Variants in EPHA10 observed in about 807,000 individuals in gnomAD.
EPHA10 encodes ephrin type-A receptor 10.
Under a neutral mutation model 109.7 loss-of-function variants are expected in EPHA10, and 120 were observed. That is an observed-to-expected ratio of 1.09 (90% CI 0.94 to 1.27). EPHA10 has a LOEUF of 1.27. Ranked by LOEUF, EPHA10 falls within the 50% of genes most tolerant of loss-of-function variation. The probability of loss-of-function intolerance (pLI) is 0.00; values close to 1 mark genes in which losing one functional copy is unlikely to be tolerated. For synonymous variants in EPHA10, 640 were observed against 618.9 expected, an observed-to-expected ratio of 1.03 and a Z score of -0.51; for missense variants, 1,396 against 1,411.1, an observed-to-expected ratio of 0.99 and a Z score of 0.17.
Position 37,761,882 on chromosome 1 carries a change from TCTC to T in EPHA10, c.370_372del (p.Glu124del), listed in dbSNP as rs575794155. On this transcript the variant is annotated inframe_deletion, in exon 3 of 17. Transcript: ENST00000373048. ...GTTTCCAGGTAGTAGACGTTGAAGG[TCTC>T]CTTGCAGGTACCCGCGGCGCCAGGG... The T allele has an allele frequency of 2.9e-5, 47 of 1,611,662 alleles. No homozygotes were observed. Among genetic ancestry groups the T allele is most frequent in the Non-Finnish European group, 3.9e-5 (46 of 1,178,246 alleles).
intron 5 of EPHA10, among the ~76,000 whole-genome samples, chr1:37,740,159 G>A (rs1385031513): frequency 1.3e-5 from 2 of 152,052 alleles, no homozygotes; most frequent in Admixed American, 6.5e-5. Context: ...TACTATACAT[G>A]TGAAATGGGT....
chr1:37,732,096 A>G (rs1270380014), intron 6 of EPHA10, among the ~76,000 whole-genome samples: 1 of 152,200 alleles, frequency 6.6e-6, no homozygotes, highest in Non-Finnish European at 1.5e-5. Flanking sequence ...TGTTTCACAG[A>G]TAAGGAAACC....
chr1:37,731,031 C>T (rs1172770743), intron 7 of EPHA10, among the ~76,000 whole-genome samples: 1 of 152,102 alleles, frequency 6.6e-6, no homozygotes, highest in Non-Finnish European at 1.5e-5. Flanking sequence ...AATGCAACCC[C>T]TTCATGTCCA....
intron 5 of EPHA10, among the ~76,000 whole-genome samples, chr1:37,736,270 A>C: frequency 6.6e-6 from 1 of 152,104 alleles, no homozygotes; most frequent in African/African-American, 2.4e-5. Flanking sequence ...TGAGGCCAGG[A>C]GTTCGAGACC....
chr1:37,718,387 CT>C lies in EPHA10; in HGVS notation c.3011del (p.Gln1004ArgfsTer84). 2.5e-6 allele frequency: 4 copies of C among 1,610,666 alleles called. No individual in the cohort carries two copies. The highest frequency in any genetic ancestry group is 3.4e-6 in the Non-Finnish European group (4 of 1,178,554). On this transcript the variant is annotated frameshift_variant, in exon 17 of 17. Coordinates refer to ENST00000373048, the MANE Select transcript of EPHA10 (RefSeq NM_001099439.2). LOFTEE classifies it high-confidence loss of function. ...TGGGGTCCACTCACACCTGCACCCCCTGGCCCTGCAGCTGGAGCACTCGTGC... is the reference window on the plus strand; with the variant it reads ...TGGGGTCCACTCACACCTGCACCCCCGGCCCTGCAGCTGGAGCACTCGTGC... ...LQARVLQLQGQGVQV is the reference protein window; with the variant it reads ...LQARVLQLQGXGVQV
intron 5 of EPHA10, among the ~76,000 whole-genome samples, chr1:37,749,648 G>C (rs1489984621): frequency 6.6e-6 from 1 of 151,862 alleles, no homozygotes. Context: ...ATTCCAGCCT[G>C]GGTGATAGAG....
Position 37,722,804 on chromosome 1 carries a change from C to A in EPHA10, c.1960+237G>T, listed in dbSNP as rs960413674. 7 of 661,196 alleles carry A rather than the reference C, an allele frequency of 1.1e-5. No individual in the cohort carries two copies. The African/African-American group carries it at 1.2e-4, about 12-fold the overall frequency. The allele number at this position is 661,196 out of a possible 1,614,324, so 41.0% of individuals were successfully genotyped here. A position where few individuals can be genotyped will look rare whatever the true frequency, so the allele number is the denominator to read the frequency against. ...CCAGTGGCAGTGTGCAGAGGTCTGA[C>A]CTTGAGGACCAGGAGAGGGTCACAG... On this transcript the variant is annotated intron_variant, in intron 10 of 16. Coordinates refer to ENST00000373048, the MANE Select transcript of EPHA10 (RefSeq NM_001099439.2).
At chr1:37,742,307 G>A (rs1339127499) in intron 5 of EPHA10, among the ~76,000 whole-genome samples, 1 of 152,164 alleles carries the variant, frequency 6.6e-6, no homozygotes, top group Non-Finnish European at 1.5e-5. Context: ...TCTCCCCATA[G>A]GTGACTTGGG....
intron 8 of EPHA10, among the ~76,000 whole-genome samples, chr1:37,725,035 C>T (rs915279119): frequency 1.3e-5 from 2 of 152,082 alleles, no homozygotes; most frequent in African/African-American, 4.8e-5. Flanking sequence ...CTGGGAGGAT[C>T]ACCTCCTCTA....
chr1:37,716,714 G>A lies in EPHA10; in HGVS notation c.*1658C>T, dbSNP rs553423662. 4.3e-6 allele frequency: 1 copy of A among 232,842 alleles called. No individual in the cohort carries two copies. The highest frequency in any genetic ancestry group is 8.5e-6 in the Non-Finnish European group (1 of 117,916). The allele number at this position is 232,842 out of a possible 1,614,324, so 14.4% of individuals were successfully genotyped here. A position where few individuals can be genotyped will look rare whatever the true frequency, so the allele number is the denominator to read the frequency against. ...TTTCTCATGCTAGCCTCTCTGCATG[G>A]ACTCCTTTTGTCCGAGGCCTGCCAT... On this transcript the variant is annotated 3_prime_UTR_variant, in exon 17 of 17. Coordinates refer to ENST00000373048, the MANE Select transcript of EPHA10 (RefSeq NM_001099439.2).
chr1:37,748,807 G>A (rs1400518928), intron 5 of EPHA10, among the ~76,000 whole-genome samples: 1 of 150,858 alleles, frequency 6.6e-6, no homozygotes, highest in Admixed American at 6.6e-5. Context: ...CTGATTTTTA[G>A]AAAAAGTTCA....
chr1:37,714,383 T>TC (rs1170070544), downstream of EPHA10, among the ~76,000 whole-genome samples: 1 of 152,184 alleles, frequency 6.6e-6, no homozygotes, highest in Non-Finnish European at 1.5e-5. Context: ...GCATGCGCAC[T>TC]CAGGCCTTGC....
downstream of EPHA10, chr1:37,715,844 G>A (rs2148296930): frequency 3.7e-6 from 2 of 534,466 alleles, no homozygotes; most frequent in African/African-American, 1.9e-5. Flanking sequence ...CAGGAGCAGT[G>A]TTGGACTCAC....
intron 3 of EPHA10, among the ~76,000 whole-genome samples, chr1:37,758,555 T>C (rs920790048): frequency 6.6e-6 from 1 of 152,210 alleles, no homozygotes; most frequent in Non-Finnish European, 1.5e-5. Context: ...TGTAGGGCAT[T>C]CCTTCCTGGA....
intron 7 of EPHA10, among the ~76,000 whole-genome samples, chr1:37,728,945 C>T (rs1424475639): frequency 6.6e-6 from 1 of 152,128 alleles, no homozygotes; most frequent in African/African-American, 2.4e-5. Flanking sequence ...GATGGCATCC[C>T]TACCTCCTGG....
intron 5 of EPHA10, among the ~76,000 whole-genome samples, chr1:37,736,193 G>A (rs1646066628): frequency 6.6e-6 from 1 of 152,102 alleles, no homozygotes; most frequent in South Asian, 2.1e-4. Context: ...TGGTTCATGA[G>A]GTCAAGAGAT....
At chr1:37,734,140 G>C (rs900909342) in intron 6 of EPHA10, among the ~76,000 whole-genome samples, 10 of 152,208 alleles carry the variant, frequency 6.6e-5, no homozygotes, top group African/African-American at 2.4e-4. Flanking sequence ...AGTGAGTGAA[G>C]TTCTGACACA....
rs1179271631 is a variant in EPHA10, at chr1:37,719,555, G to A, written c.2615C>T (p.Pro872Leu). 5 of 1,613,966 alleles carry A rather than the reference G, an allele frequency of 3.1e-6. No homozygotes were observed. In the South Asian group the frequency reaches 4.4e-5, roughly 14 times the overall value. ...GFRLPPPRNC[P>L]NLLHRLMLDC... ...GAGCATTAGTCGGTGCAGAAGGTTA[G>A]GACAGTTCCTGGGGGGTGGCAGCCG... Residue 872 changes from proline (P) to leucine (L), a missense_variant, in exon 15 of 17, where the codon CCT becomes CTT. By Grantham distance (98) the Pro-to-Leu change is moderately conservative (BLOSUM62 -3). Coordinates refer to ENST00000373048, the MANE Select transcript of EPHA10 (RefSeq NM_001099439.2).
chr1:37,743,524 C>T (rs1398571033), intron 5 of EPHA10, among the ~76,000 whole-genome samples: 2 of 152,190 alleles, frequency 1.3e-5, no homozygotes, highest in Non-Finnish European at 1.5e-5. Context: ...GAACCCCTCT[C>T]AGTCTTTGGA....
Sources: gnomAD v4.1 joint callset for allele counts (sites outside exome capture counted in the v4.1 genomes callset) on GRCh38, gnomAD v4.1.1 for gene constraint, MANE v1.5 for transcripts, NCBI Gene and HGNC (gene_info 2026-07-23, HGNC 2026-07-21) for gene names.